Variants in SLC25A48 observed in about 807,000 individuals in gnomAD.
SLC25A48 encodes solute carrier family 25 member 48, also known as CTC-321K16.1.
Under a neutral mutation model 32.2 loss-of-function variants are expected in SLC25A48, and 29 were observed. The ratio of observed to expected loss-of-function variants is 0.90; its 90% CI spans 0.67 to 1.23. The LOEUF is 1.23. Among genes scored for constraint, SLC25A48 ranks in the 50% most tolerant of loss-of-function variants. The pLI is 0.00. For synonymous variants in SLC25A48, 164 were observed against 172.3 expected (o/e 0.95, Z 0.38); for missense variants, 399 against 422.7 (o/e 0.94, Z 0.49).
Position 135,810,741 on chromosome 5 carries a change from G to C in SLC25A48, c.-520-1782G>C, listed in dbSNP as rs182489194. On this transcript the variant is annotated intron_variant, in intron 3 of 10. Transcript: ENST00000646290. ...TGATATTCTCATTCGAGGCAGGAAG[G>C]CAAGGGTAGAACAAAGAGCAGACAC... 1.5e-3 allele frequency among the ~76,000 whole-genome samples: 225 copies of C among 152,296 alleles called. 1 individual carries two copies. The highest frequency in any genetic ancestry group is 5.2e-3 in the African/African-American group (218 of 41,564).
intron 4 of SLC25A48, among the ~76,000 whole-genome samples, chr5:135,855,738 C>A (rs1330259878): frequency 6.6e-6 from 1 of 152,240 alleles, no homozygotes; most frequent in African/African-American, 2.4e-5. Context: ...CCCAGCTGAG[C>A]TGGGACTCAT....
At chr5:135,703,465 C>T (rs893308377) in intron 3 of SLC25A48, among the ~76,000 whole-genome samples, 9 of 152,166 alleles carry the variant, frequency 5.9e-5, no homozygotes, top group Admixed American at 2.6e-4. Flanking sequence ...GAGCTGTTTC[C>T]GCACCTGGCC....
At chr5:135,604,848 G>A (rs1367422094) in intron 1 of SLC25A48, among the ~76,000 whole-genome samples, 2 of 152,162 alleles carry the variant, frequency 1.3e-5, no homozygotes, top group African/African-American at 4.8e-5. Flanking sequence ...AGACTGCCAG[G>A]CGTGAACTCC....
chr5:135,725,209 A>G (rs1424548530), intron 3 of SLC25A48, among the ~76,000 whole-genome samples: 2 of 152,258 alleles, frequency 1.3e-5, no homozygotes, highest in Admixed American at 6.5e-5. Context: ...CTGAGGGAAT[A>G]AGACAGACAA....
At chr5:135,674,964 A>G (rs559877820) in intron 3 of SLC25A48, among the ~76,000 whole-genome samples, 1 of 151,804 alleles carries the variant, frequency 6.6e-6, no homozygotes, top group South Asian at 2.1e-4. Context: ...AGCAGTTTAC[A>G]TTCCCACAAA....
In SLC25A48 at chr5:135,676,637, C is replaced by G. The variant is rs960284689; in HGVS notation, c.-521+41681C>G. ...TTCTCAACACTGCTTTTGCAGTATC[C>G]CATAGGTTTTGGTATGTTGTGTTTC... On this transcript the variant is annotated intron_variant, in intron 3 of 10. Coordinates refer to the SLC25A48 transcript ENST00000646290. Among the ~76,000 whole-genome samples, 3 of 151,824 alleles carry G rather than the reference C, an allele frequency of 2.0e-5. No individual in the cohort carries two copies. The East Asian group carries it at 5.8e-4, about 29-fold the overall frequency.
At chr5:135,656,368 C>T (rs1314435025) in intron 3 of SLC25A48, among the ~76,000 whole-genome samples, 1 of 152,166 alleles carries the variant, frequency 6.6e-6, no homozygotes. Context: ...GCTATTTTTA[C>T]ACCCAGATTG....
intron 3 of SLC25A48, among the ~76,000 whole-genome samples, chr5:135,755,866 A>ATTTT (rs1396406062): frequency 7.1e-6 from 1 of 140,246 alleles, no homozygotes; most frequent in Non-Finnish European, 1.6e-5. Context: ...TCGCTGTGAT[A>ATTTT]TTTATCATAT....
chr5:135,781,854 A>G (rs542874547), intron 3 of SLC25A48, among the ~76,000 whole-genome samples: 1 of 114,722 alleles, frequency 8.7e-6, no homozygotes, highest in African/African-American at 2.6e-5. Flanking sequence ...GGGGGAGAAT[A>G]TAATCTAATT....
chr5:135,808,693 G>A (rs1490082963), intron 3 of SLC25A48, among the ~76,000 whole-genome samples: 1 of 152,020 alleles, frequency 6.6e-6, no homozygotes, highest in African/African-American at 2.4e-5. Context: ...CTTCCTTAAA[G>A]GTTTGCTGTG....
intron 4 of SLC25A48, among the ~76,000 whole-genome samples, chr5:135,867,133 TA>T (rs1345766561): frequency 6.6e-6 from 1 of 152,310 alleles, no homozygotes; most frequent in Non-Finnish European, 1.5e-5. Context: ...CATTACAGAA[TA>T]AAAAATTCTA....
chr5:135,634,721 A>C (rs953961387), intron 2 of SLC25A48: 17 of 152,290 alleles, frequency 1.1e-4, no homozygotes, highest in African/African-American at 3.9e-4. Flanking sequence ...GAAGTCTGGG[A>C]GTCCCAAGAC....
chr5:135,788,729 A>C, intron 3 of SLC25A48, among the ~76,000 whole-genome samples: 1 of 129,390 alleles, frequency 7.7e-6, no homozygotes, highest in African/African-American at 2.9e-5. Flanking sequence ...ATGTGGCGGG[A>C]GGTGTACACC....
chr5:135,745,522 A>G (rs1355771822), intron 3 of SLC25A48, among the ~76,000 whole-genome samples: 4 of 152,102 alleles, frequency 2.6e-5, no homozygotes, highest in African/African-American at 4.8e-5. Context: ...CCAGCAACAC[A>G]GCAAGATTCC....
At chr5:135,707,321 C>T (rs1754540132) in intron 3 of SLC25A48, among the ~76,000 whole-genome samples, 1 of 152,166 alleles carries the variant, frequency 6.6e-6, no homozygotes, top group Non-Finnish European at 1.5e-5. Context: ...CTGAATGTCT[C>T]CTCTCTTCAC....
At chr5:135,884,771 G>A (rs1371772888) in intron 7 of SLC25A48, among the ~76,000 whole-genome samples, 1 of 152,176 alleles carries the variant, frequency 6.6e-6, no homozygotes, top group Non-Finnish European at 1.5e-5. Flanking sequence ...AGGCATGCTT[G>A]CACAGTTTGT....
intron 3 of SLC25A48, among the ~76,000 whole-genome samples, chr5:135,779,779 C>A (rs12189124): frequency 8.7e-6 from 1 of 115,078 alleles, no homozygotes; most frequent in Non-Finnish European, 2.1e-5. Context: ...TCTTAATATC[C>A]AACTGGGGAG....
intron 3 of SLC25A48, among the ~76,000 whole-genome samples, chr5:135,771,524 T>G (rs1342998892): frequency 6.6e-6 from 1 of 151,604 alleles, no homozygotes; most frequent in Non-Finnish European, 1.5e-5. Context: ...GGGGAGACGG[T>G]GATATTACTC....
chr5:135,739,012 G>A (rs1198452275), intron 3 of SLC25A48, among the ~76,000 whole-genome samples: 1 of 152,188 alleles, frequency 6.6e-6, no homozygotes, highest in East Asian at 1.9e-4. Flanking sequence ...AACCCCGGAG[G>A]CAGAGGTTGC....
Sources: gnomAD v4.1 joint callset for allele counts (sites outside exome capture counted in the v4.1 genomes callset) on GRCh38, gnomAD v4.1.1 for gene constraint, MANE v1.5 for transcripts, NCBI Gene and HGNC (gene_info 2026-07-23, HGNC 2026-07-21) for gene names.